DLGAP1: variants seen among roughly 807,000 people sequenced by gnomAD.
The protein encoded by DLGAP1 is disks large-associated protein 1.
In DLGAP1, 11 loss-of-function variants were observed where a neutral mutation model predicts 90.8. The observed-to-expected ratio is 0.12, with a 90% CI of 0.08 to 0.20. DLGAP1 has a LOEUF of 0.20. Ranked by LOEUF, DLGAP1 falls within the 10% of genes least tolerant of loss-of-function variation. DLGAP1 has a pLI of 1.00. For synonymous variants in DLGAP1, 558 were observed against 540.7 expected (o/e 1.03, Z -0.44); for missense variants, 1,050 against 1,333.8 (o/e 0.79, Z 3.31).
intron 1 of DLGAP1, among the ~76,000 whole-genome samples, chr18:4,267,183 AGTGT>A (rs146992333): frequency 4.7e-5 from 7 of 147,474 alleles, no homozygotes; most frequent in South Asian, 2.1e-4. Flanking sequence ...CACTGTAATG[AGTGT>A]GTGTGTGTGT....
intron 4 of DLGAP1, among the ~76,000 whole-genome samples, chr18:3,825,407 G>A (rs928267114): frequency 2.0e-5 from 3 of 152,144 alleles, no homozygotes; most frequent in African/African-American, 7.2e-5. Flanking sequence ...GATATAAAAT[G>A]GTGTAGTATT....
At chr18:4,296,827 A>G (rs1444311058) in intron 1 of DLGAP1, among the ~76,000 whole-genome samples, 2 of 152,192 alleles carry the variant, frequency 1.3e-5, no homozygotes, top group African/African-American at 4.8e-5. Context: ...TGAAAGACAG[A>G]GCGGGTGGCA....
chr18:3,966,889 G>T (rs2073343405), intron 3 of DLGAP1, among the ~76,000 whole-genome samples: 1 of 152,228 alleles, frequency 6.6e-6, no homozygotes, highest in Middle Eastern at 3.4e-3. Flanking sequence ...GACTAAATGA[G>T]ATCATCTAGG....
intron 4 of DLGAP1, among the ~76,000 whole-genome samples, chr18:3,837,638 C>A (rs774497407): frequency 6.6e-6 from 1 of 151,776 alleles, no homozygotes; most frequent in East Asian, 1.9e-4. Context: ...TGCCTGAGCT[C>A]GGGAGTTTGA....
chr18:4,304,246 T>C (rs946979394), intron 1 of DLGAP1, among the ~76,000 whole-genome samples: 1 of 152,172 alleles, frequency 6.6e-6, no homozygotes, highest in Non-Finnish European at 1.5e-5. Context: ...AATGTGAATG[T>C]ACTTAATACT....
At position 3,902,817 on chromosome 18, in the gene DLGAP1, G is replaced by T. The variant is rs1252834583; in HGVS notation, c.-72-22677C>A. ...TCATATATAAACTATGCATATATTT[G>T]TGATTTCTAGACTGGACACTAGGGA... is the stretch of plus-strand genomic sequence containing the variant. On this transcript the variant is annotated intron_variant, in intron 3 of 12. Transcript: ENST00000315677. Among the ~76,000 whole-genome samples, 10 of 152,096 alleles carry T rather than the reference G, an allele frequency of 6.6e-5. No individual in the cohort carries two copies. In the East Asian group the frequency reaches 1.9e-3, roughly 29 times the overall value.
intron 6 of DLGAP1, among the ~76,000 whole-genome samples, chr18:3,741,670 T>C (rs1476182963): frequency 6.6e-6 from 1 of 152,120 alleles, no homozygotes; most frequent in Non-Finnish European, 1.5e-5. Flanking sequence ...ACCATCACCA[T>C]CAGTAACATT....
At chr18:3,651,312 A>G (rs904319048) in intron 7 of DLGAP1, among the ~76,000 whole-genome samples, 8 of 151,034 alleles carry the variant, frequency 5.3e-5, no homozygotes, top group Non-Finnish European at 3.0e-5. Context: ...GGAGCCGACA[A>G]TGTGCCGCTG....
intron 2 of DLGAP1, among the ~76,000 whole-genome samples, chr18:4,049,120 G>A (rs147223290): frequency 0.038 from 5,707 of 151,866 alleles, 171 homozygotes; most frequent in Middle Eastern, 0.061. Flanking sequence ...CCAGCTAGTC[G>A]GGAGGCTGTG....
rs1473100548 is a variant in DLGAP1 at position 4,285,069 on chromosome 18, TC to T, written c.-266-133783del. Among the ~76,000 whole-genome samples, 432 of 118,428 alleles carry T rather than the reference TC, an allele frequency of 3.6e-3. 2 individuals carry two copies. Among genetic ancestry groups the T allele is most frequent in the Non-Finnish European group, 6.4e-3 (343 of 53,198 alleles). 77.7% of individuals were successfully genotyped at this position (118,428 alleles called of 152,430 possible). The stretch of plus-strand genomic sequence containing the variant: ...CAAAAATAATGATAAAGTAATAATT[TC>T]TACTTTTTGTAAAGCCATTATTTTT... On this transcript the variant is annotated intron_variant, in intron 1 of 12. Coordinates refer to ENST00000315677, the MANE Select transcript of DLGAP1 (RefSeq NM_004746.4).
chr18:3,656,243 C>G, intron 7 of DLGAP1: 5 of 635,806 alleles, frequency 7.9e-6, no homozygotes, highest in Non-Finnish European at 1.3e-5. Context: ...CGTAACTAAA[C>G]AAATATCAAC....
chr18:3,556,215 G>A (rs999816477), intron 9 of DLGAP1, among the ~76,000 whole-genome samples: 6 of 151,922 alleles, frequency 3.9e-5, no homozygotes, highest in Admixed American at 1.3e-4. Context: ...CCCTTCCCCC[G>A]ACACACACAC....
At chr18:3,595,868 TCAGA>T (rs1312002041) in intron 7 of DLGAP1, among the ~76,000 whole-genome samples, 2 of 152,212 alleles carry the variant, frequency 1.3e-5, no homozygotes, top group African/African-American at 4.8e-5. Flanking sequence ...TACTGCTGAG[TCAGA>T]CAGAACACTT....
chr18:4,369,897 C>T (rs1318202347), intron 1 of DLGAP1, among the ~76,000 whole-genome samples: 1 of 147,288 alleles, frequency 6.8e-6, no homozygotes, highest in Non-Finnish European at 1.5e-5. Flanking sequence ...GGGCTATGGA[C>T]ACACAAAGGG....
rs936463128 is a variant in DLGAP1 at position 3,618,795 on chromosome 18, C to T, written c.1592-36547G>A. On this transcript the variant is annotated intron_variant, in intron 7 of 12. Coordinates refer to ENST00000315677, the MANE Select transcript of DLGAP1 (RefSeq NM_004746.4). ...CTACTAAAAATACAAAAAAATTAGC[C>T]GGGTGAAGTGGCGGGTGCCTGTAGT... Among the ~76,000 whole-genome samples, 15 of 150,200 alleles carry T rather than the reference C, an allele frequency of 1.0e-4. 1 individual carries two copies. Among genetic ancestry groups the T allele is most frequent in the Admixed American group, 3.3e-4 (5 of 14,982 alleles).
intron 1 of DLGAP1, among the ~76,000 whole-genome samples, chr18:4,347,066 T>G (rs1332507581): frequency 6.6e-6 from 1 of 152,022 alleles, no homozygotes; most frequent in African/African-American, 2.4e-5. Flanking sequence ...CATAAGTAAC[T>G]ACAGACATCT....
At chr18:3,686,304 A>T (rs1465797820) in intron 7 of DLGAP1, among the ~76,000 whole-genome samples, 1 of 152,226 alleles carries the variant, frequency 6.6e-6, no homozygotes, top group African/African-American at 2.4e-5. Flanking sequence ...CACCCTTTCA[A>T]AAAGCACTAG....
chr18:3,725,100 T>C (rs528147622), intron 7 of DLGAP1, among the ~76,000 whole-genome samples: 40 of 152,356 alleles, frequency 2.6e-4, no homozygotes, highest in African/African-American at 9.6e-4. Context: ...TACTACTTTC[T>C]GGGAAACCAC....
chr18:3,670,649 A>G (rs1675244), intron 7 of DLGAP1, among the ~76,000 whole-genome samples: 99,363 of 152,118 alleles, frequency 0.65, 34,421 homozygotes, highest in African/African-American at 0.89. Flanking sequence ...TTTTCTACAG[A>G]TGCAATCAAG....
Sources: gnomAD v4.1 joint callset for allele counts (sites outside exome capture counted in the v4.1 genomes callset) on GRCh38, gnomAD v4.1.1 for gene constraint, MANE v1.5 for transcripts, NCBI Gene and HGNC (gene_info 2026-07-23, HGNC 2026-07-21) for gene names.